ASTN2: variants seen among roughly 807,000 people sequenced by gnomAD.
ASTN2 encodes astrotactin-2.
ASTN2 carries 54 observed loss-of-function variants against 139.8 expected under a neutral mutation model. That is an observed-to-expected ratio of 0.39 (90% confidence interval 0.31 to 0.48). The LOEUF (loss-of-function observed/expected upper bound fraction) is 0.48. Ranked by LOEUF, ASTN2 falls within the 20% of genes least tolerant of loss-of-function variation. ASTN2 has a pLI of 0.95. For missense variants in ASTN2, 1,565 were observed against 1,725.1 expected, an observed-to-expected ratio of 0.91 and a Z score of 1.64; for synonymous variants, 756 against 719.5, an observed-to-expected ratio of 1.05 and a Z score of -0.81.
intron 1 of ASTN2, among the ~76,000 whole-genome samples, chr9:117,325,341 G>A (rs915343142): frequency 2.0e-5 from 3 of 152,120 alleles, no homozygotes; most frequent in African/African-American, 4.8e-5. Flanking sequence ...ATAGCCAGAT[G>A]CAGACAGTTG....
chr9:116,892,381 C>T (rs1475668880), intron 10 of ASTN2, among the ~76,000 whole-genome samples: 18 of 152,048 alleles, frequency 1.2e-4, no homozygotes, highest in Admixed American at 5.9e-4. Context: ...AGCTTAGGAA[C>T]GGTTTTAAGG....
intron 19 of ASTN2, among the ~76,000 whole-genome samples, chr9:116,538,276 G>T (rs934580279): frequency 6.6e-6 from 1 of 151,248 alleles, no homozygotes; most frequent in Non-Finnish European, 1.5e-5. Context: ...AAGGAAGAAA[G>T]GAGCAAACGG....
chr9:117,234,682 C>T (rs1346921360), intron 2 of ASTN2, among the ~76,000 whole-genome samples: 1 of 152,174 alleles, frequency 6.6e-6, no homozygotes, highest in South Asian at 2.1e-4. Flanking sequence ...ATCTCTAGAG[C>T]TCCGTGGAGC....
intron 10 of ASTN2, among the ~76,000 whole-genome samples, chr9:116,964,003 T>G (rs1588444614): frequency 6.6e-6 from 1 of 152,072 alleles, no homozygotes; most frequent in Non-Finnish European, 1.5e-5. Flanking sequence ...GCACTGCAGA[T>G]CTCTTGTTGC....
chr9:116,709,583 A>C (rs1828087343), intron 16 of ASTN2, among the ~76,000 whole-genome samples: 1 of 152,320 alleles, frequency 6.6e-6, no homozygotes, highest in South Asian at 2.1e-4. Flanking sequence ...TGCTCCAGCC[A>C]ATAGCAGCAA....
intron 19 of ASTN2, among the ~76,000 whole-genome samples, chr9:116,549,584 C>T (rs1218875154): frequency 1.3e-5 from 2 of 152,204 alleles, no homozygotes; most frequent in Admixed American, 6.5e-5. Flanking sequence ...AGGATAGATG[C>T]TCTTTTGCAA....
At chr9:116,739,382 T>G (rs932617711) in intron 13 of ASTN2, among the ~76,000 whole-genome samples, 9 of 152,208 alleles carry the variant, frequency 5.9e-5, no homozygotes, top group African/African-American at 2.2e-4. Flanking sequence ...CCTGGGCCAC[T>G]GTTTTCCTCC....
At chr9:116,892,867 G>C (rs1156339877) in intron 10 of ASTN2, among the ~76,000 whole-genome samples, 1 of 152,068 alleles carries the variant, frequency 6.6e-6, no homozygotes, top group East Asian at 1.9e-4. Flanking sequence ...ATTTTAAACA[G>C]CAAATTTCTT....
intron 12 of ASTN2, among the ~76,000 whole-genome samples, chr9:116,819,043 C>G (rs901134091): frequency 1.3e-5 from 2 of 152,118 alleles, no homozygotes; most frequent in African/African-American, 4.8e-5. Flanking sequence ...GAAAGGCTTG[C>G]CTTATGGCTA....
At chr9:116,515,381 G>T (rs1587920557) in intron 19 of ASTN2, among the ~76,000 whole-genome samples, 1 of 152,126 alleles carries the variant, frequency 6.6e-6, no homozygotes, top group Non-Finnish European at 1.5e-5. Context: ...TCTAAGAATG[G>T]TTTCCTCTCT....
intron 13 of ASTN2, among the ~76,000 whole-genome samples, chr9:116,798,875 T>C (rs1472862153): frequency 3.3e-5 from 5 of 152,092 alleles, no homozygotes; most frequent in African/African-American, 1.2e-4. Flanking sequence ...ATAAAAACTT[T>C]CACAGTCAGG....
At position 116,990,714 on chromosome 9, in the gene ASTN2, G is replaced by T. The variant is rs571238813; in HGVS notation, c.1592-13929C>A. ...ATGATTTAATTGCAGAACAGTGCAG[G>T]TTCCCATTACCAAGGCTCTCATTCT... On this transcript the variant is annotated intron_variant, in intron 7 of 22. Coordinates refer to ENST00000313400, the MANE Select transcript of ASTN2 (RefSeq NM_001365068.1). 8.5e-5 allele frequency among the ~76,000 whole-genome samples: 13 copies of T among 152,310 alleles called. No individual in the cohort carries two copies. The East Asian group carries it at 1.9e-3, about 23-fold the overall frequency.
intron 19 of ASTN2, among the ~76,000 whole-genome samples, chr9:116,508,627 A>G (rs1188193504): frequency 2.0e-5 from 3 of 152,260 alleles, no homozygotes. Context: ...ACAGCACTTC[A>G]GCGCAGATGA....
chr9:117,082,098 A>G (rs1828443053), intron 5 of ASTN2, among the ~76,000 whole-genome samples: 1 of 152,282 alleles, frequency 6.6e-6, no homozygotes. Flanking sequence ...ACGACCACAG[A>G]GTGCTGACAT....
intron 7 of ASTN2, among the ~76,000 whole-genome samples, chr9:116,998,760 G>C (rs766728954): frequency 6.6e-6 from 1 of 152,184 alleles, no homozygotes; most frequent in Non-Finnish European, 1.5e-5. Flanking sequence ...ACAAATATCA[G>C]CATATCTTAC....
chr9:116,960,588 C>T (rs1835850255), intron 10 of ASTN2, among the ~76,000 whole-genome samples: 1 of 151,726 alleles, frequency 6.6e-6, no homozygotes. Flanking sequence ...TAGCCCTGGG[C>T]ATTGTAGGGT....
chr9:116,462,249 C>A (rs1243075860), intron 20 of ASTN2, among the ~76,000 whole-genome samples: 2 of 152,156 alleles, frequency 1.3e-5, no homozygotes, highest in African/African-American at 2.4e-5. Flanking sequence ...CTAACTTCAC[C>A]ACAATCCCAT....
intron 13 of ASTN2, among the ~76,000 whole-genome samples, chr9:116,733,801 A>G (rs147649746): frequency 5.9e-4 from 90 of 152,302 alleles, no homozygotes; most frequent in African/African-American, 2.1e-3. Flanking sequence ...TTCCTTGTCT[A>G]TAAAGTGAGA....
At chr9:116,594,722 T>G (rs967923484) in intron 19 of ASTN2, among the ~76,000 whole-genome samples, 1 of 152,154 alleles carries the variant, frequency 6.6e-6, no homozygotes, top group African/African-American at 2.4e-5. Context: ...AAGGCATGAT[T>G]CATCATGCAT....
Sources: allele counts gnomAD v4.1 joint callset (sites outside exome capture counted in the v4.1 genomes callset), GRCh38; gene constraint gnomAD v4.1.1; transcripts MANE v1.5; gene names NCBI Gene and HGNC (gene_info 2026-07-23, HGNC 2026-07-21).